DMAC2L: variants seen among roughly 807,000 people sequenced by gnomAD.
DMAC2L encodes the protein distal membrane arm assembly component 2 like.
Under a neutral mutation model 22.5 loss-of-function variants are expected in DMAC2L, and 21 were observed. The ratio of observed to expected loss-of-function variants is 0.93; its 90% CI spans 0.66 to 1.34. The LOEUF (loss-of-function observed/expected upper bound fraction) is 1.34, where lower values mean the gene tolerates loss of function less well. DMAC2L is among the 40% of genes most tolerant of loss of function. DMAC2L has a pLI of 0.00. For synonymous variants in DMAC2L, 86 were observed against 89.5 expected (o/e 0.96, Z 0.22); for missense variants, 239 against 246.5 (o/e 0.97, Z 0.20).
chr14:50,316,349 G>A (rs1381268890), intron 2 of DMAC2L, among the ~76,000 whole-genome samples: 1 of 152,098 alleles, frequency 6.6e-6, no homozygotes, highest in East Asian at 1.9e-4. Context: ...CCCACTATGT[G>A]GGTTGTCTGT....
chr14:50,325,266 G>C (rs2032634614), intron 5 of DMAC2L, among the ~76,000 whole-genome samples: 1 of 152,194 alleles, frequency 6.6e-6, no homozygotes, highest in Non-Finnish European at 1.5e-5. Context: ...AAGCTTCAAA[G>C]CTTCATCTTT....
At chr14:50,323,013 G>A (rs1469337480) in intron 4 of DMAC2L, 1 of 1,303,940 alleles carries the variant, frequency 7.7e-7, no homozygotes, top group East Asian at 3.2e-5. Flanking sequence ...TTCTGTCATT[G>A]AGAAGCCCTC....
At position 50,312,349 on chromosome 14, in the gene DMAC2L, G is replaced by T. The variant is rs890644301; in HGVS notation, c.-82G>T. The T allele has an allele frequency of 7.2e-6, 5 of 693,560 alleles. No individual in the cohort carries two copies. Among genetic ancestry groups the T allele is most frequent in the Non-Finnish European group, 1.2e-5 (5 of 419,752 alleles). 43.0% of individuals were successfully genotyped at this position (693,560 alleles called of 1,614,324 possible). A position where few individuals can be genotyped will look rare whatever the true frequency, so the allele number is the denominator to read the frequency against. On this transcript the variant is annotated 5_prime_UTR_variant, in exon 1 of 6. Transcript: ENST00000557421. Reference sequence around the variant, plus strand: ...GGGCCGGCCAGGGTGCCGCAGACGCGGGGACGCTGGCTCGCTCCCTCCCTC... The same window carrying T: ...GGGCCGGCCAGGGTGCCGCAGACGCTGGGACGCTGGCTCGCTCCCTCCCTC...
chr14:50,312,671 C>T (rs376972375), intron 1 of DMAC2L: 70 of 337,120 alleles, frequency 2.1e-4, no homozygotes, highest in East Asian at 1.3e-3. Flanking sequence ...CTCGCTCGGC[C>T]CCGCACGCGG....
In DMAC2L at chr14:50,314,639, T is replaced by G. The variant is rs1251193664; in HGVS notation, c.-6+13T>G. On this transcript the variant is annotated intron_variant, in intron 2 of 5. Coordinates refer to ENST00000557421, the MANE Select transcript of DMAC2L (RefSeq NM_001382507.1). ...GCTGGGTCATATGGTAAGTGCATGT[T>G]TATTTTTTATTTTTATTTTTGAGAC... 1.1e-5 allele frequency: 5 copies of G among 454,154 alleles called. No homozygotes were observed. The allele number at this position is 454,154 out of a possible 1,614,324, so 28.1% of individuals were successfully genotyped here.
chr14:50,327,838 G>T lies in DMAC2L; in HGVS notation c.*2115G>T, dbSNP rs1566565301. ...TCAGGTAGAAAAATGAATTTTCGTTGTGTTTAACAATGTTGTGTTTAACAG... is the reference window on the plus strand; with the variant it reads ...TCAGGTAGAAAAATGAATTTTCGTTTTGTTTAACAATGTTGTGTTTAACAG... On this transcript the variant is annotated 3_prime_UTR_variant, in exon 6 of 6. Transcript: ENST00000557421. The T allele has an allele frequency of 6.6e-6, 1 of 152,094 alleles. No individual in the cohort carries two copies. Among genetic ancestry groups the T allele is most frequent in the Non-Finnish European group, 1.5e-5 (1 of 68,006 alleles). 9.4% of individuals were successfully genotyped at this position (152,094 alleles called of 1,614,324 possible).
intron 2 of DMAC2L, among the ~76,000 whole-genome samples, chr14:50,318,733 AATC>A (rs2032021481): frequency 6.6e-6 from 1 of 151,972 alleles, no homozygotes; most frequent in African/African-American, 2.4e-5. Flanking sequence ...GAAAACTCTT[AATC>A]ATTAAGACCC....
intron 3 of DMAC2L, 128 bp from the exon 4 acceptor site, chr14:50,322,383 A>AATAAC (rs10685266): frequency 1.0e-6 from 1 of 993,640 alleles, no homozygotes; most frequent in Non-Finnish European, 1.4e-6. Flanking sequence ...GGATCTCACT[A>AATAAC]ATTTATCTTC....
chr14:50,321,257 C>T (rs1324750897), intron 2 of DMAC2L: 2 of 643,310 alleles, frequency 3.1e-6, no homozygotes, highest in Non-Finnish European at 4.3e-6. Context: ...ACTTAACGTT[C>T]TAGCCGGAAG....
rs192587703 is a variant in DMAC2L, at chr14:50,322,288, C to T, written c.108-223C>T. On this transcript the variant is annotated intron_variant, in intron 3 of 5. Transcript: ENST00000557421. Reference sequence around the variant, plus strand: ...ATATAAAAATAATACGCCTTGACAGCGTTCACGTGGAAACAAAAACAAAAC... The same window carrying T: ...ATATAAAAATAATACGCCTTGACAGTGTTCACGTGGAAACAAAAACAAAAC... Among the ~76,000 whole-genome samples, 104 of 152,216 alleles carry T rather than the reference C, an allele frequency of 6.8e-4. 2 individuals carry two copies. Among genetic ancestry groups the T allele is most frequent in the Admixed American group, 1.6e-3 (24 of 15,288 alleles).
upstream of DMAC2L, chr14:50,312,269 C>A: frequency 6.9e-7 from 1 of 1,455,188 alleles, no homozygotes; most frequent in South Asian, 1.2e-5. Context: ...GGCGCGCCTT[C>A]GCCCCATGTG....
At chr14:50,312,706 C>G in intron 1 of DMAC2L, 1 of 353,890 alleles carries the variant, frequency 2.8e-6, no homozygotes, top group Non-Finnish European at 5.1e-6. Context: ...AGGGCCTGGG[C>G]ACCCACCGTC....
upstream of DMAC2L, chr14:50,311,558 G>A (rs1404260633): frequency 6.7e-6 from 3 of 444,452 alleles, no homozygotes; most frequent in Non-Finnish European, 1.4e-5. Context: ...CACTATGCGG[G>A]GTGTGCCAGG....
At chr14:50,314,682 C>T (rs2031609530) in intron 2 of DMAC2L, 56 bp downstream of exon 2, 1 of 453,102 alleles carries the variant, frequency 2.2e-6, no homozygotes, top group Admixed American at 2.4e-5. Flanking sequence ...TGCTCTGTTG[C>T]CCAGGCTGGA....
intron 1 of DMAC2L, 38 bp from the exon 2 acceptor site, chr14:50,314,553 G>GTA (rs1168764145): frequency 4.4e-6 from 2 of 456,032 alleles, no homozygotes; most frequent in South Asian, 3.1e-5. Flanking sequence ...GAACATGAGT[G>GTA]TACAGCCTTT....
chr14:50,315,462 G>A (rs1282053682), intron 2 of DMAC2L, among the ~76,000 whole-genome samples: 1 of 150,936 alleles, frequency 6.6e-6, no homozygotes, highest in African/African-American at 2.4e-5. Context: ...AGGAGATTGA[G>A]ACCATCTTGG....
In DMAC2L at chr14:50,322,512, G is replaced by A; in HGVS notation, c.109G>A (p.Val37Met). The change falls in exon 4 of 6, where the codon GTG becomes ATG. Residue 37 changes from valine to methionine, a missense_variant and splice_region_variant. Val to Met is a conservative substitution (Grantham distance 21). Coordinates refer to ENST00000557421, the MANE Select transcript of DMAC2L (RefSeq NM_001382507.1). Reference protein sequence around the residue: ...WGWLNAVFNKVDYDRIRDVGP... With the variant: ...WGWLNAVFNKMDYDRIRDVGP... Reference sequence around the variant, plus strand: ...CTGCTTTTTTTCTCTTGCCAACAGGGTGGATTATGATCGCATCAGGGATGT... The same window carrying A: ...CTGCTTTTTTTCTCTTGCCAACAGGATGGATTATGATCGCATCAGGGATGT... 1.9e-6 allele frequency: 3 copies of A among 1,597,788 alleles called. No individual in the cohort carries two copies. Among genetic ancestry groups the A allele is most frequent in the Non-Finnish European group, 2.6e-6 (3 of 1,167,422 alleles).
chr14:50,312,319 G>A, upstream of DMAC2L: 2 of 966,992 alleles, frequency 2.1e-6, no homozygotes, highest in South Asian at 3.2e-5. Context: ...GCGTCGGAGG[G>A]CGAAGGGCCG....
chr14:50,321,527 G>A lies in DMAC2L; in HGVS notation c.40G>A (p.Val14Ile), dbSNP rs567348190. Residue 14 changes from valine (V) to isoleucine (I), a missense_variant, in exon 3 of 6, where the codon GTA (valine) becomes ATA (isoleucine). Val to Ile is a conservative substitution (Grantham distance 29). Coordinates refer to ENST00000557421, the MANE Select transcript of DMAC2L (RefSeq NM_001382507.1). ...FGKISQQLCG[V>I]KKLPWSCDSR... ...AAAAATTTCCCAGCAGTTGTGTGGC[G>A]TAAAGAAACTCCCATGGTCATGTGA... is the stretch of plus-strand genomic sequence containing the variant. 7 of 1,614,054 alleles carry A rather than the reference G, an allele frequency of 4.3e-6. No individual in the cohort carries two copies. The highest frequency in any genetic ancestry group is 3.3e-5 in the Admixed American group (2 of 60,010).
Sources: allele counts gnomAD v4.1 joint callset (sites outside exome capture counted in the v4.1 genomes callset), GRCh38; gene constraint gnomAD v4.1.1; transcripts MANE v1.5; gene names NCBI Gene and HGNC (gene_info 2026-07-23, HGNC 2026-07-21).